The following CAPN2 variants were observed in gnomAD, a reference collection of about 807,000 sequenced individuals.
The protein encoded by CAPN2 is calpain 2, also known as calpain-2 catalytic subunit.
In CAPN2, 92 loss-of-function variants were observed where a neutral mutation model predicts 102.3. That is an observed-to-expected ratio of 0.90 (90% CI 0.76 to 1.07). The LOEUF is 1.07. Among genes scored for constraint, CAPN2 ranks in the 50% least tolerant of loss-of-function variants. The pLI is 0.00. For missense variants in CAPN2, 800 were observed against 909.4 expected, an observed-to-expected ratio of 0.88 and a Z score of 1.55; for synonymous variants, 340 against 355.4, an observed-to-expected ratio of 0.96 and a Z score of 0.49.
intron 2 of CAPN2, among the ~76,000 whole-genome samples, chr1:223,738,529 CA>C (rs1315265194): frequency 6.6e-6 from 1 of 152,160 alleles, no homozygotes; most frequent in Non-Finnish European, 1.5e-5. Context: ...GAGGACATGG[CA>C]TTTTTATGAT....
rs1164714767 is a variant in CAPN2, at chr1:223,712,826, G to T, written c.186G>T (p.Glu62Asp). Residue 62 changes from glutamate to aspartate, a missense_variant, in exon 1 of 21, where the codon GAG becomes GAT. Transcript: ENST00000295006. ...TCCCCTCGGCCCTGGGCTTCAAGGA[G>T]TTGGGGCCCTACTCCAGCAAAACCC... is the stretch of plus-strand genomic sequence containing the variant. ...PAIPSALGFK[E>D]LGPYSSKTRG... 1 of 1,568,820 alleles carries T rather than the reference G, an allele frequency of 6.4e-7. No homozygotes were observed. Among genetic ancestry groups the T allele is most frequent in the Admixed American group, 1.8e-5 (1 of 54,478 alleles).
intron 6 of CAPN2, among the ~76,000 whole-genome samples, chr1:223,749,692 G>A (rs1205936958): frequency 1.3e-5 from 2 of 152,224 alleles, no homozygotes; most frequent in Non-Finnish European, 2.9e-5. Context: ...GGAGGTAGCT[G>A]TCCTTGCTGT....
chr1:223,761,678 C>CA (rs28370128), intron 13 of CAPN2, 61 bp downstream of exon 13: 25 of 1,353,564 alleles, frequency 1.8e-5, no homozygotes, highest in South Asian at 2.5e-5. Flanking sequence ...AGCAGAGGAG[C>CA]AAAAAAACTC....
chr1:223,769,923 G>GAT lies in CAPN2; in HGVS notation c.1824+15_1824+16dup. ...CAAAAATACCAAGTAAGATCCCAGAGATGCGGGTGGATCTGTGTTGGGAAA... is the reference window on the plus strand; with the variant it reads ...CAAAAATACCAAGTAAGATCCCAGAGATATGCGGGTGGATCTGTGTTGGGAAA... On this transcript the variant is annotated intron_variant, in intron 17 of 20. Coordinates refer to ENST00000295006, the MANE Select transcript of CAPN2 (RefSeq NM_001748.5). 2 of 1,572,194 alleles carry GAT rather than the reference G, an allele frequency of 1.3e-6. No individual in the cohort carries two copies. The highest frequency in any genetic ancestry group is 1.7e-6 in the Non-Finnish European group (2 of 1,153,734).
At chr1:223,753,692 C>CA (rs1174510746) in intron 9 of CAPN2, among the ~76,000 whole-genome samples, 1 of 152,210 alleles carries the variant, frequency 6.6e-6, no homozygotes, top group Non-Finnish European at 1.5e-5. Context: ...CATGATACCA[C>CA]AGGTGGAAAA....
At chr1:223,752,444 A>G (rs1044893808) in intron 8 of CAPN2, among the ~76,000 whole-genome samples, 6 of 152,224 alleles carry the variant, frequency 3.9e-5, no homozygotes, top group African/African-American at 1.4e-4. Flanking sequence ...ATGGACCCAC[A>G]TGTCTGTGTG....
In CAPN2 at chr1:223,764,199, T is replaced by C. The variant is rs1661257002; in HGVS notation, c.1682T>C (p.Leu561Pro). 1.2e-6 allele frequency: 2 copies of C among 1,613,602 alleles called. No homozygotes were observed. Among genetic ancestry groups the C allele is most frequent in the Non-Finnish European group, 1.7e-6 (2 of 1,179,616 alleles). ...FELQTILRRV[L>P]AKRQDIKSDG... is the part of the protein sequence containing the mutation. ...CTGCAGACCATCCTGAGAAGGGTTCTAGCAAAGCGTGAGTATCCCCTCATT... is the reference window on the plus strand; with the variant it reads ...CTGCAGACCATCCTGAGAAGGGTTCCAGCAAAGCGTGAGTATCCCCTCATT... Residue 561 changes from leucine to proline, a missense_variant, in exon 15 of 21, where the codon CTA becomes CCA. Coordinates refer to ENST00000295006, the MANE Select transcript of CAPN2 (RefSeq NM_001748.5).
intron 15 of CAPN2, among the ~76,000 whole-genome samples, chr1:223,764,986 AAC>A (rs1338869431): frequency 6.6e-6 from 1 of 152,238 alleles, no homozygotes; most frequent in Non-Finnish European, 1.5e-5. Context: ...CGGGAAACAC[AAC>A]ACAGAGACAT....
chr1:223,707,079 C>CA (rs34249886), intron 1 of CAPN2, among the ~76,000 whole-genome samples: 4,191 of 80,862 alleles, frequency 0.052, 171 homozygotes, highest in African/African-American at 0.12. Flanking sequence ...GACTCCACCT[C>CA]AAAAAAAAAA....
At chr1:223,761,484 T>G in intron 12 of CAPN2, 97 bp from the exon 13 acceptor site, 2 of 563,154 alleles carry the variant, frequency 3.6e-6, no homozygotes, top group Non-Finnish European at 6.4e-6. Flanking sequence ...ACCTACCCCC[T>G]GCTGGATTTA....
intron 1 of CAPN2, among the ~76,000 whole-genome samples, chr1:223,706,636 T>G (rs1374427824): frequency 1.3e-5 from 2 of 152,168 alleles, no homozygotes; most frequent in African/African-American, 4.8e-5. Flanking sequence ...GGGCCTCTGT[T>G]TACTCATCCA....
At chr1:223,772,344 C>T (rs771565775) in intron 20 of CAPN2, 105 bp downstream of exon 20, 1 of 964,310 alleles carries the variant, frequency 1.0e-6, no homozygotes. Context: ...CTTTAAAGAG[C>T]TCTTGGTCTG....
intron 17 of CAPN2, 59 bp from the exon 18 acceptor site, chr1:223,770,388 A>C (rs1264126935): frequency 6.0e-5 from 68 of 1,135,100 alleles, no homozygotes; most frequent in Non-Finnish European, 8.8e-5. Flanking sequence ...CATACTAGGG[A>C]GGTAACTTGC....
intron 1 of CAPN2, among the ~76,000 whole-genome samples, chr1:223,717,265 C>T (rs1178939599): frequency 1.3e-5 from 2 of 152,170 alleles, no homozygotes; most frequent in South Asian, 2.1e-4. Flanking sequence ...GAGGATTGGA[C>T]TAGGACGACT....
chr1:223,714,558 C>T (rs999159062), intron 1 of CAPN2, among the ~76,000 whole-genome samples: 6 of 147,220 alleles, frequency 4.1e-5, no homozygotes, highest in South Asian at 2.1e-4. Context: ...GTGGGAGGAT[C>T]GCTTGAGCCA....
chr1:223,752,858 A>T lies in CAPN2; in HGVS notation c.1037A>T (p.Asp346Val), dbSNP rs1660937100. 1 of 1,614,022 alleles carries T rather than the reference A, an allele frequency of 6.2e-7. No homozygotes were observed. The highest frequency in any genetic ancestry group is 1.1e-5 in the South Asian group (1 of 91,088). Residue 346 changes from aspartate to valine, a missense_variant, in exon 9 of 21, where the codon GAC becomes GTC. By Grantham distance (152) the Asp-to-Val change is radical. Coordinates refer to ENST00000295006, the MANE Select transcript of CAPN2 (RefSeq NM_001748.5). ...CTGGAGATCTGTAACCTGACCCCAG[A>T]CACTCTCACCAGCGATACCTACAAG... ...SRLEICNLTP[D>V]TLTSDTYKKW...
upstream of CAPN2, among the ~76,000 whole-genome samples, chr1:223,710,983 T>C (rs2896828): frequency 0.7 from 106,961 of 152,060 alleles, 38,359 homozygotes; most frequent in Non-Finnish European, 0.78. Context: ...GTCACAGGTG[T>C]GCATCTTCAA....
At chr1:223,701,798 A>G in exon 1 of CAPN2, 1 of 152,218 alleles carries the variant, frequency 6.6e-6, no homozygotes, top group East Asian at 1.9e-4. Context: ...AGATCACCTG[A>G]GGTCAGGAGT....
chr1:223,744,282 G>T, intron 3 of CAPN2, 64 bp downstream of exon 3: 1 of 1,054,284 alleles, frequency 9.5e-7, no homozygotes, highest in Middle Eastern at 2.1e-4. Flanking sequence ...CAGTCTTCTG[G>T]CTTGGCTGGG....
Sources: gnomAD v4.1 joint callset for allele counts (sites outside exome capture counted in the v4.1 genomes callset) on GRCh38, gnomAD v4.1.1 for gene constraint, MANE v1.5 for transcripts, NCBI Gene and HGNC (gene_info 2026-07-23, HGNC 2026-07-21) for gene names.